The following FOXP1 variants were observed in gnomAD, a reference collection of about 807,000 sequenced individuals.
FOXP1 encodes forkhead box P1, also known as forkhead box protein P1.
Under a neutral mutation model 98.2 loss-of-function variants are expected in FOXP1, and 15 were observed. The observed-to-expected ratio is 0.15, with a 90% CI of 0.10 to 0.24. The LOEUF (loss-of-function observed/expected upper bound fraction) is 0.24, where lower values mean the gene tolerates loss of function less well. Ranked by LOEUF, FOXP1 falls within the 10% of genes least tolerant of loss-of-function variation. The probability of loss-of-function intolerance (pLI) is 1.00; values close to 1 mark genes in which losing one functional copy is unlikely to be tolerated. For missense variants in FOXP1, 633 were observed against 848.5 expected, an observed-to-expected ratio of 0.75 and a Z score of 3.15; for synonymous variants, 371 against 314.5, an observed-to-expected ratio of 1.18 and a Z score of -1.90.
intron 5 of FOXP1, among the ~76,000 whole-genome samples, chr3:71,270,149 C>T (rs898802098): frequency 6.6e-6 from 1 of 152,100 alleles, no homozygotes; most frequent in Non-Finnish European, 1.5e-5. Flanking sequence ...GCAGCCTCCC[C>T]GAGTGGCACT....
chr3:71,114,277 T>G (rs946749475), intron 6 of FOXP1, among the ~76,000 whole-genome samples: 1 of 152,112 alleles, frequency 6.6e-6, no homozygotes, highest in African/African-American at 2.4e-5. Context: ...AATAGTGGAA[T>G]GGAAGAGAGG....
At chr3:71,450,336 A>C (rs1260192596) in intron 3 of FOXP1, among the ~76,000 whole-genome samples, 1 of 152,202 alleles carries the variant, frequency 6.6e-6, no homozygotes, top group Non-Finnish European at 1.5e-5. Flanking sequence ...ACTGATAAGG[A>C]ATGGGACGAC....
chr3:71,397,050 ACATATATATGTG>A (rs1242033664), intron 3 of FOXP1, among the ~76,000 whole-genome samples: 2 of 64,754 alleles, frequency 3.1e-5, no homozygotes, highest in Admixed American at 3.6e-4. Flanking sequence ...ATATATATAC[ACATATATATGTG>A]TATATATATA....
chr3:71,108,308 C>A (rs558169866), intron 7 of FOXP1, among the ~76,000 whole-genome samples: 1 of 152,182 alleles, frequency 6.6e-6, no homozygotes, highest in African/African-American at 2.4e-5. Flanking sequence ...TACCCAGAAA[C>A]GGTGGTCAAA....
intron 7 of FOXP1, among the ~76,000 whole-genome samples, chr3:71,077,011 A>G (rs1559880217): frequency 6.6e-6 from 1 of 152,376 alleles, no homozygotes; most frequent in East Asian, 1.9e-4. Context: ...AAAGTTATGG[A>G]GCATGGGCTC....
chr3:71,349,152 T>C (rs1431421677), intron 4 of FOXP1, among the ~76,000 whole-genome samples: 1 of 144,538 alleles, frequency 6.9e-6, no homozygotes. Context: ...ATTTGTATAA[T>C]CAAGGTATTA....
chr3:71,047,052 A>G lies in FOXP1; in HGVS notation c.554T>C (p.Leu185Pro). The change falls in exon 10 of 21, where the codon CTT (leucine) becomes CCT (proline). Residue 185 changes from leucine (L) to proline (P), a missense_variant. Transcript: ENST00000649528. The stretch of plus-strand genomic sequence containing the variant: ...CTGCTGTAACTGCTGCATCTGTAAA[A>G]GCTGCTGCTGAAAAGCCAACTGCTG... ...ATQQLAFQQQ[L>P]LQMQQLQQQH... The G allele has an allele frequency of 6.2e-7, 1 of 1,614,114 alleles. No individual in the cohort carries two copies. The highest frequency in any genetic ancestry group is 8.5e-7 in the Non-Finnish European group (1 of 1,179,966).
chr3:71,437,756 C>A (rs1171266841), intron 3 of FOXP1, among the ~76,000 whole-genome samples: 1 of 152,184 alleles, frequency 6.6e-6, no homozygotes, highest in Non-Finnish European at 1.5e-5. Flanking sequence ...AGAAACCCTG[C>A]TGGACAGGAA....
At chr3:71,520,000 G>A (rs2042861699) in intron 2 of FOXP1, among the ~76,000 whole-genome samples, 1 of 152,218 alleles carries the variant, frequency 6.6e-6, no homozygotes, top group South Asian at 2.1e-4. Context: ...TAGGTGACCA[G>A]ACAATCTTTG....
At chr3:71,218,018 C>T (rs528237449) in intron 5 of FOXP1, among the ~76,000 whole-genome samples, 62 of 152,274 alleles carry the variant, frequency 4.1e-4, no homozygotes, top group Non-Finnish European at 7.5e-4. Flanking sequence ...TCTGCAAGCT[C>T]GCTTCTGCCT....
intron 1 of FOXP1, chr3:71,582,304 G>GGGGCGA (rs1478445986): frequency 1.0e-6 from 1 of 974,778 alleles, no homozygotes; most frequent in African/African-American, 1.8e-5. Flanking sequence ...GCGGGAGGCG[G>GGGGCGA]GGGCGAGGGA....
intron 6 of FOXP1, among the ~76,000 whole-genome samples, chr3:71,184,109 G>A (rs779147378): frequency 1.3e-5 from 2 of 152,210 alleles, no homozygotes; most frequent in South Asian, 2.1e-4. Flanking sequence ...CTGAGATCAC[G>A]CCATTGCACT....
chr3:71,575,175 T>C (rs2047631111), intron 2 of FOXP1, among the ~76,000 whole-genome samples: 2 of 152,214 alleles, frequency 1.3e-5, no homozygotes, highest in African/African-American at 4.8e-5. Flanking sequence ...ATACTCGTGC[T>C]TGGTTAAAAA....
At chr3:71,193,696 G>A (rs995280375) in intron 6 of FOXP1, among the ~76,000 whole-genome samples, 3 of 151,478 alleles carry the variant, frequency 2.0e-5, no homozygotes, top group Non-Finnish European at 4.4e-5. Flanking sequence ...TGATCAGCCC[G>A]CCTCGGCCTC....
intron 6 of FOXP1, among the ~76,000 whole-genome samples, chr3:71,123,348 G>A (rs1439133120): frequency 1.3e-5 from 2 of 152,220 alleles, no homozygotes; most frequent in Admixed American, 6.5e-5. Context: ...CTGCTCTCTC[G>A]CACGCTGTGT....
In FOXP1 at chr3:71,581,685, A is replaced by G; in HGVS notation, c.-434T>C. 1.0e-6 allele frequency: 1 copy of G among 985,694 alleles called. No homozygotes were observed. Among genetic ancestry groups the G allele is most frequent in the Middle Eastern group, 5.2e-4 (1 of 1,914 alleles). The allele number at this position is 985,694 out of a possible 1,614,324, so 61.1% of individuals were successfully genotyped here. Reference sequence around the variant, plus strand: ...TCGCCGCGCGCTCTCTTCCTCTTACAAACTTTCGGGTTCTGCAGTCGACAA... The same window carrying G: ...TCGCCGCGCGCTCTCTTCCTCTTACGAACTTTCGGGTTCTGCAGTCGACAA... On this transcript the variant is annotated 5_prime_UTR_variant, in exon 2 of 21. Coordinates refer to ENST00000649528, the MANE Select transcript of FOXP1 (RefSeq NM_001349338.3).
intron 5 of FOXP1, among the ~76,000 whole-genome samples, chr3:71,271,264 T>C (rs1004610785): frequency 2.6e-5 from 4 of 152,148 alleles, no homozygotes; most frequent in Non-Finnish European, 5.9e-5. Flanking sequence ...AACAGAAACA[T>C]ATCTAAAGAT....
At chr3:71,436,270 A>C (rs1312170845) in intron 3 of FOXP1, among the ~76,000 whole-genome samples, 1 of 152,102 alleles carries the variant, frequency 6.6e-6, no homozygotes, top group Non-Finnish European at 1.5e-5. Context: ...AATCCCTCTG[A>C]GATCAACAAA....
intron 6 of FOXP1, among the ~76,000 whole-genome samples, chr3:71,146,440 A>G (rs2060309631): frequency 6.6e-6 from 1 of 152,176 alleles, no homozygotes; most frequent in Non-Finnish European, 1.5e-5. Flanking sequence ...TTTCAAGGGA[A>G]ATACTGTTGT....
Sources: gnomAD v4.1 joint callset for allele counts (sites outside exome capture counted in the v4.1 genomes callset) on GRCh38, gnomAD v4.1.1 for gene constraint, MANE v1.5 for transcripts, NCBI Gene and HGNC (gene_info 2026-07-23, HGNC 2026-07-21) for gene names.